Variants in SMARCA4 observed in about 807,000 individuals in gnomAD.
SMARCA4 encodes SWI/SNF related BAF chromatin remodeling complex subunit ATPase 4.
A neutral mutation model predicts 193.9 loss-of-function variants in SMARCA4; 31 were observed. The ratio of observed to expected loss-of-function variants is 0.16; its 90% CI spans 0.12 to 0.22. SMARCA4 has a LOEUF of 0.22. SMARCA4 is among the 10% of genes least tolerant of loss of function. The probability of loss-of-function intolerance (pLI) is 1.00; values close to 1 mark genes in which losing one functional copy is unlikely to be tolerated. For synonymous variants in SMARCA4, 942 were observed against 933.1 expected (o/e 1.01, Z -0.17); for missense variants, 1,148 against 2,296.0 (o/e 0.50, Z 10.22).
At chr19:11,017,521 C>T (rs188439227) in intron 16 of SMARCA4, among the ~76,000 whole-genome samples, 7 of 152,248 alleles carry the variant, frequency 4.6e-5, no homozygotes, top group South Asian at 2.1e-4. Flanking sequence ...CCGGCTGTGC[C>T]GGCCCTCTCA....
rs547429666 is a variant in SMARCA4, at chr19:11,010,251, A to G, written c.2124-130A>G. Reference sequence around the variant, plus strand: ...CCTCACACTGTCCGGCTGCACCTCTATGTGTCTTACAGTGCTGGCCACAGG... The same window carrying G: ...CCTCACACTGTCCGGCTGCACCTCTGTGTGTCTTACAGTGCTGGCCACAGG... On this transcript the variant is annotated intron_variant, in intron 14 of 34. Coordinates refer to ENST00000344626, the MANE Select transcript of SMARCA4 (RefSeq NM_003072.5). The G allele has an allele frequency of 1.3e-4, 132 of 1,047,642 alleles. 1 individual carries two copies. The highest frequency in any genetic ancestry group is 6.3e-4 in the Middle Eastern group (3 of 4,732). The allele number at this position is 1,047,642 out of a possible 1,614,324, so 64.9% of individuals were successfully genotyped here. A position where few individuals can be genotyped will look rare whatever the true frequency, so the allele number is the denominator to read the frequency against.
At chr19:11,054,621 G>A (rs1220768515) in intron 30 of SMARCA4, among the ~76,000 whole-genome samples, 2 of 152,158 alleles carry the variant, frequency 1.3e-5, no homozygotes, top group African/African-American at 2.4e-5. Context: ...GGTGAAACCC[G>A]TCTCTACTAA....
At chr19:10,995,865 G>A (rs1388602504) in intron 9 of SMARCA4, 3 of 395,516 alleles carry the variant, frequency 7.6e-6, no homozygotes, top group African/African-American at 4.2e-5. Flanking sequence ...AGAAAGGTGG[G>A]GGGCTGCTGT....
intron 22 of SMARCA4, among the ~76,000 whole-genome samples, chr19:11,025,990 C>T (rs550568195): frequency 6.6e-5 from 10 of 152,336 alleles, no homozygotes; most frequent in Admixed American, 1.3e-4. Context: ...CCTGCTGCCC[C>T]GAGAGCCCCT....
In SMARCA4 at chr19:10,987,267, T is replaced by TC. The variant is rs1380556771; in HGVS notation, c.859+267dup. On this transcript the variant is annotated intron_variant, in intron 5 of 34. Transcript: ENST00000344626. This position sits in a 1 kb window ranked among gnomAD's most constrained non-coding sequence, Gnocchi z 5.3. ...TAATTGCTCAGTAAGTGCTGCAGGC[T>TC]CCCATCTGTTGGGCTCAAAGAGGCA... is the stretch of plus-strand genomic sequence containing the variant. Among the ~76,000 whole-genome samples the TC allele has an allele frequency of 6.6e-6, 1 of 152,172 alleles. No homozygotes were observed. Among genetic ancestry groups the TC allele is most frequent in the Non-Finnish European group, 1.5e-5 (1 of 68,020 alleles).
chr19:10,974,582 T>C (rs2084944846), intron 1 of SMARCA4, among the ~76,000 whole-genome samples: 1 of 145,594 alleles, frequency 6.9e-6, no homozygotes, highest in Non-Finnish European at 1.5e-5. Flanking sequence ...CCTCATCACA[T>C]GCCATCAGAG....
chr19:10,994,103 G>A lies in SMARCA4; in HGVS notation c.1420-725G>A, dbSNP rs927064194. On this transcript the variant is annotated intron_variant, in intron 8 of 34. Transcript: ENST00000344626. ...CACCCAGGCTGGAGTACAGTGGTGCGATCTCAGCTCACTGCAACCTCTGTC... is the reference window on the plus strand; with the variant it reads ...CACCCAGGCTGGAGTACAGTGGTGCAATCTCAGCTCACTGCAACCTCTGTC... 4.0e-5 allele frequency among the ~76,000 whole-genome samples: 6 copies of A among 151,632 alleles called. No homozygotes were observed. The South Asian group carries it at 8.3e-4, about 21-fold the overall frequency.
At chr19:10,966,100 A>G (rs1342617617) in intron 1 of SMARCA4, among the ~76,000 whole-genome samples, 1 of 148,342 alleles carries the variant, frequency 6.7e-6, no homozygotes, top group Non-Finnish European at 1.5e-5. Context: ...CTCCTGCCTC[A>G]GCCTCCCGAG....
chr19:11,048,123 T>G (rs1285360894), intron 30 of SMARCA4, among the ~76,000 whole-genome samples: 2 of 152,194 alleles, frequency 1.3e-5, no homozygotes, highest in Non-Finnish European at 2.9e-5. Context: ...GAGAAGAGCT[T>G]GAATGGAATA....
chr19:11,058,913 G>T lies in SMARCA4; in HGVS notation c.4635+24G>T, dbSNP rs542939230. 3.8e-6 allele frequency: 6 copies of T among 1,579,008 alleles called. No individual in the cohort carries two copies. In the African/African-American group the frequency reaches 6.7e-5, roughly 18 times the overall value. ...TGGTGAGGGCACCGCTGGGGGTTGG[G>T]GATGGGCCACTCCCACAGCTGGGCT... On this transcript the variant is annotated intron_variant, in intron 32 of 34. Transcript: ENST00000344626. This position sits in a 1 kb window ranked among gnomAD's most constrained non-coding sequence, Gnocchi z 5.8.
At chr19:11,021,604 C>T (rs2089877694) in intron 18 of SMARCA4, 121 bp from the exon 19 acceptor site, 1 of 1,279,526 alleles carries the variant, frequency 7.8e-7, no homozygotes, top group Admixed American at 2.0e-5. Context: ...CTGTGCTCTC[C>T]ACCCAGCTGC....
At chr19:10,975,394 C>A (rs146912792) in intron 1 of SMARCA4, among the ~76,000 whole-genome samples, 1 of 151,458 alleles carries the variant, frequency 6.6e-6, no homozygotes, top group African/African-American at 2.4e-5. Context: ...TCACTGCAAC[C>A]TCCACCTCCC....
chr19:11,018,316 A>C, intron 16 of SMARCA4: 1 of 187,634 alleles, frequency 5.3e-6, no homozygotes, highest in East Asian at 1.2e-4. Context: ...CTCAGTCTCT[A>C]GGCTGTCGGT....
At chr19:10,973,516 T>G (rs1396778431) in intron 1 of SMARCA4, among the ~76,000 whole-genome samples, 4 of 151,722 alleles carry the variant, frequency 2.6e-5, no homozygotes. Context: ...TTCTCCTGCC[T>G]TAGCCTCCCG....
chr19:11,059,985 G>C (rs2147120787), intron 33 of SMARCA4, 60 bp from the exon 34 acceptor site: 1 of 1,610,626 alleles, frequency 6.2e-7, no homozygotes, highest in South Asian at 1.1e-5. Flanking sequence ...GACGCCCCTT[G>C]CTGTGGGGGT....
intron 22 of SMARCA4, 42 bp from the exon 23 acceptor site, chr19:11,026,258 C>G (rs1186126953): frequency 6.4e-7 from 1 of 1,571,628 alleles, no homozygotes; most frequent in Non-Finnish European, 8.8e-7. Context: ...GCCCGGTGGC[C>G]TGCTCCTGCC....
At chr19:10,979,108 G>C (rs950317557) in intron 1 of SMARCA4, among the ~76,000 whole-genome samples, 15 of 152,298 alleles carry the variant, frequency 9.8e-5, no homozygotes, top group Admixed American at 7.2e-4. Flanking sequence ...ACTGACAGCA[G>C]CAAGTGTTGG....
In SMARCA4 at chr19:11,033,353, C is replaced by T. The variant is rs1555784504; in HGVS notation, c.3610C>T (p.Leu1204Phe). The change falls in exon 26 of 35, where the codon CTC becomes TTC. Residue 1204 changes from leucine (L) to phenylalanine (F), a missense_variant. Leu to Phe is a conservative substitution (Grantham distance 22, BLOSUM62 0). This residue lies in a region of SMARCA4 where 13 missense variants were observed against 80.9 expected (regional missense o/e 0.16). Transcript: ENST00000344626. The surrounding 1 kb of genome is among the most constrained non-coding windows in gnomAD (Gnocchi z 9.8). ...GQQNEVRVLRLCTVNSVEEKI... is the reference protein window; with the variant it reads ...GQQNEVRVLRFCTVNSVEEKI... The stretch of plus-strand genomic sequence containing the variant: ...GCAGAACGAGGTGCGTGTGCTCCGC[C>T]TCTGCACCGTCAACAGCGTGGAGGA... The T allele has an allele frequency of 1.2e-6, 2 of 1,613,268 alleles. No individual in the cohort carries two copies. Among genetic ancestry groups the T allele is most frequent in the Non-Finnish European group, 1.7e-6 (2 of 1,180,016 alleles).
At chr19:10,980,405 G>T (rs1403554333) in intron 1 of SMARCA4, among the ~76,000 whole-genome samples, 1 of 152,184 alleles carries the variant, frequency 6.6e-6, no homozygotes, top group African/African-American at 2.4e-5. Context: ...GCTGCTTTGA[G>T]TTGGAGCCGT....
Sources: gnomAD v4.1 joint callset for allele counts (sites outside exome capture counted in the v4.1 genomes callset) on GRCh38, gnomAD v4.1.1 for gene constraint, gnomAD v4.1.1 regional missense constraint, Gnocchi (gnomAD v3.1) non-coding constraint, MANE v1.5 for transcripts, NCBI Gene and HGNC (gene_info 2026-07-23, HGNC 2026-07-21) for gene names.